Variants in DPRX observed in about 807,000 individuals in gnomAD.
DPRX encodes divergent-paired related homeobox.
DPRX carries 11 observed loss-of-function variants against 8.4 expected under a neutral mutation model. The observed-to-expected ratio is 1.31, with a 90% CI of 0.82 to 2.17. DPRX has a LOEUF of 2.17. Ranked by LOEUF, DPRX falls within the 30% of genes most tolerant of loss-of-function variation. The pLI, the probability that DPRX is intolerant of heterozygous loss-of-function variation, is 0.00. For synonymous variants in DPRX, 72 were observed against 87.0 expected (o/e 0.83, Z 0.96); for missense variants, 211 against 236.7 (o/e 0.89, Z 0.71).
At chr19:53,627,720 T>A (rs1056046606), upstream of DPRX, among the ~76,000 whole-genome samples, 1 of 145,654 alleles carries the variant, frequency 6.9e-6, no homozygotes, top group Admixed American at 6.8e-5. Context: ...AGTACAGACA[T>A]GAGCCACCGT....
chr19:53,623,310 A>AAACTAAAT, the DPRX span, among the ~76,000 whole-genome samples: 3 of 133,936 alleles, frequency 2.2e-5, no homozygotes, highest in Non-Finnish European at 4.7e-5. Context: ...CTGTCTCAAA[A>AAACTAAAT]AAATAAATAA....
At chr19:53,617,950 C>T in the DPRX span, among the ~76,000 whole-genome samples, 82 of 151,938 alleles carry the variant, frequency 5.4e-4, no homozygotes, top group African/African-American at 1.6e-3. Context: ...CCAGCCTGGC[C>T]ACCATGTTGA....
At chr19:53,634,946 C>T (rs2091106704) in intron 2 of DPRX, among the ~76,000 whole-genome samples, 1 of 152,164 alleles carries the variant, frequency 6.6e-6, no homozygotes, top group Non-Finnish European at 1.5e-5. Flanking sequence ...ACTATGCCAC[C>T]ACAGTGCGAA....
the DPRX span, among the ~76,000 whole-genome samples, chr19:53,621,605 G>C: frequency 6.6e-6 from 1 of 152,020 alleles, no homozygotes; most frequent in Non-Finnish European, 1.5e-5. Context: ...AGACCAGCCT[G>C]GCCAACATGG....
At chr19:53,612,802 C>G in the DPRX span, among the ~76,000 whole-genome samples, 2 of 152,118 alleles carry the variant, frequency 1.3e-5, no homozygotes, top group African/African-American at 4.8e-5. Context: ...CAAAATGGAT[C>G]TGATCTAAAG....
upstream of DPRX, among the ~76,000 whole-genome samples, chr19:53,628,618 T>G (rs1033972727): frequency 1.3e-5 from 2 of 151,994 alleles, no homozygotes; most frequent in African/African-American, 4.8e-5. Context: ...AGACAGAGTT[T>G]CGCTCTTCTT....
the DPRX span, among the ~76,000 whole-genome samples, chr19:53,618,434 CAGAA>C: frequency 2.0e-5 from 3 of 151,082 alleles, no homozygotes; most frequent in African/African-American, 7.3e-5. Flanking sequence ...ATGAAAGGAA[CAGAA>C]ATAAATACTA....
upstream of DPRX, among the ~76,000 whole-genome samples, chr19:53,631,437 A>G (rs2091092309): frequency 6.6e-6 from 1 of 152,178 alleles, no homozygotes; most frequent in African/African-American, 2.4e-5. Context: ...CCTGGACTTC[A>G]TTATTCACAA....
upstream of DPRX, chr19:53,629,606 A>G (rs2091083768): frequency 6.6e-6 from 1 of 151,424 alleles, no homozygotes; most frequent in African/African-American, 2.4e-5. Flanking sequence ...ACGGCAGATT[A>G]CAGGCTCTTT....
chr19:53,611,327 G>A, the DPRX span, among the ~76,000 whole-genome samples: 3 of 151,986 alleles, frequency 2.0e-5, no homozygotes, highest in Admixed American at 1.3e-4. Context: ...GAGTGCAGCA[G>A]GCTCAAGGCA....
the DPRX span, among the ~76,000 whole-genome samples, chr19:53,620,170 A>C: frequency 1.8e-4 from 27 of 152,048 alleles, 1 homozygote; most frequent in Middle Eastern, 6.8e-3. Context: ...CCCGGGTTCA[A>C]GCCATTCTCC....
At chr19:53,613,168 C>T in the DPRX span, among the ~76,000 whole-genome samples, 1 of 152,094 alleles carries the variant, frequency 6.6e-6, no homozygotes, top group Non-Finnish European at 1.5e-5. Flanking sequence ...GAAGCTGCTT[C>T]GGAAGCCTTT....
intron 2 of DPRX, 91 bp downstream of exon 2, chr19:53,634,776 C>T: frequency 2.0e-6 from 3 of 1,471,756 alleles, no homozygotes; most frequent in Non-Finnish European, 2.7e-6. Context: ...GGTCTCATTC[C>T]AATCGCCAAT....
At chr19:53,628,790 T>C (rs1435501693), upstream of DPRX, among the ~76,000 whole-genome samples, 1 of 151,736 alleles carries the variant, frequency 6.6e-6, no homozygotes, top group Non-Finnish European at 1.5e-5. Context: ...GGTTTCTCCA[T>C]GTTGGCCAGG....
the DPRX span, among the ~76,000 whole-genome samples, chr19:53,601,689 T>G: frequency 9.9e-5 from 15 of 151,522 alleles, no homozygotes; most frequent in East Asian, 2.0e-4. Context: ...ACCATGTTGG[T>G]CAGGCTGGTC....
upstream of DPRX, among the ~76,000 whole-genome samples, chr19:53,628,715 G>A (rs185177435): frequency 6.6e-6 from 1 of 151,694 alleles, no homozygotes; most frequent in Non-Finnish European, 1.5e-5. Flanking sequence ...TCAGCTTCCC[G>A]AGTAGCTGGG....
chr19:53,635,204 G>A (rs1424459306), intron 2 of DPRX, among the ~76,000 whole-genome samples: 1 of 152,090 alleles, frequency 6.6e-6, no homozygotes, highest in Non-Finnish European at 1.5e-5. Flanking sequence ...ATGGGGTTTC[G>A]CTATATTGCC....
At chr19:53,623,310 A>AAACTAAATAAAT in the DPRX span, among the ~76,000 whole-genome samples, 1 of 133,936 alleles carries the variant, frequency 7.5e-6, no homozygotes, top group Non-Finnish European at 1.6e-5. Context: ...CTGTCTCAAA[A>AAACTAAATAAAT]AAATAAATAA....
the DPRX span, among the ~76,000 whole-genome samples, chr19:53,615,968 C>T: frequency 7.0e-4 from 107 of 151,946 alleles, no homozygotes; most frequent in African/African-American, 2.2e-3. Context: ...TTAAAAAAGG[C>T]GGGGCTGGGT....
Sources: gnomAD v4.1 joint callset for allele counts (sites outside exome capture counted in the v4.1 genomes callset) on GRCh38, gnomAD v4.1.1 for gene constraint, MANE v1.5 for transcripts, NCBI Gene and HGNC (gene_info 2026-07-23, HGNC 2026-07-21) for gene names.